The following ZNF518A variants were observed in gnomAD, a reference collection of about 807,000 sequenced individuals.
ZNF518A encodes the protein zinc finger protein 518.
ZNF518A carries 47 observed loss-of-function variants against 102.7 expected under a neutral mutation model. The observed-to-expected ratio is 0.46, with a 90% CI of 0.36 to 0.58. ZNF518A has a LOEUF of 0.58. Ranked by LOEUF, ZNF518A falls within the 20% of genes least tolerant of loss-of-function variation. ZNF518A has a pLI of 0.00. For synonymous variants in ZNF518A, 652 were observed against 594.6 expected (o/e 1.10, Z -1.40); for missense variants, 1,793 against 1,699.8 (o/e 1.05, Z -0.96).
chr10:96,197,069 TA>T (rs1290549533), intron 1 of ZNF518A: 4 of 1,607,486 alleles, frequency 2.5e-6, no homozygotes, highest in Non-Finnish European at 2.5e-6. Context: ...CCATCCTGTT[TA>T]ATTTTTTTTA....
At chr10:96,189,024 T>C (rs2083290447) in intron 1 of ZNF518A, among the ~76,000 whole-genome samples, 1 of 152,218 alleles carries the variant, frequency 6.6e-6, no homozygotes, top group South Asian at 2.1e-4. Flanking sequence ...TAATCTTTTT[T>C]TTCAATAGAA....
chr10:96,151,358 G>A (rs2082442087), intron 3 of ZNF518A: 1 of 152,278 alleles, frequency 6.6e-6, no homozygotes, highest in Admixed American at 6.5e-5. Flanking sequence ...ATAGCCATGG[G>A]TGTAGGAAGA....
chr10:96,171,008 C>T (rs1487062458), intron 1 of ZNF518A, among the ~76,000 whole-genome samples: 1 of 151,580 alleles, frequency 6.6e-6, no homozygotes, highest in African/African-American at 2.4e-5. Context: ...AAACCAAAAC[C>T]ATGTGAGATA....
rs187826623 is a variant in ZNF518A, at chr10:96,147,194, A to G, written c.-301-8132A>G. On this transcript the variant is annotated intron_variant, in intron 3 of 5. Transcript: ENST00000316045. Reference sequence around the variant, plus strand: ...GAGTTTATGTCAATACAAGCCAAATACAGATGAGAATCTGGGCCAGGCTTA... The same window carrying G: ...GAGTTTATGTCAATACAAGCCAAATGCAGATGAGAATCTGGGCCAGGCTTA... Among the ~76,000 whole-genome samples the G allele has an allele frequency of 1.9e-3, 282 of 152,350 alleles. 1 individual carries two copies. Among genetic ancestry groups the G allele is most frequent in the Non-Finnish European group, 3.5e-3 (239 of 68,032 alleles).
rs782349549 is a variant in ZNF518A, at chr10:96,197,069, T to A, written n.36-6505T>A. On this transcript the variant is annotated intron_variant and non_coding_transcript_variant, in intron 1 of 2. Coordinates refer to the ZNF518A transcript ENST00000442635. ...CGAATAAGAAATGATCCATCCTGTT[T>A]AATTTTTTTTAAAAAACATAATTAT... 1.9e-6 allele frequency: 3 copies of A among 1,607,604 alleles called. No homozygotes were observed. The Admixed American group carries it at 5.0e-5, about 27-fold the overall frequency.
chr10:96,166,024 G>GT (rs2083137863), downstream of ZNF518A, among the ~76,000 whole-genome samples: 1 of 152,268 alleles, frequency 6.6e-6, no homozygotes, highest in South Asian at 2.1e-4. Flanking sequence ...GGCCACGGGT[G>GT]TAAGTCCTCG....
chr10:96,200,931 T>C lies in ZNF518A; in HGVS notation n.36-2643T>C, dbSNP rs2083615552. 1.3e-6 allele frequency: 2 copies of C among 1,504,712 alleles called. No homozygotes were observed. Among genetic ancestry groups the C allele is most frequent in the Middle Eastern group, 1.7e-4 (1 of 5,854 alleles). The allele number at this position is 1,504,712 out of a possible 1,614,324, so 93.2% of individuals were successfully genotyped here. A position where few individuals can be genotyped will look rare whatever the true frequency, so the allele number is the denominator to read the frequency against. On this transcript the variant is annotated intron_variant and non_coding_transcript_variant, in intron 1 of 2. Coordinates refer to the ZNF518A transcript ENST00000442635. The surrounding 1 kb of genome is among the most constrained non-coding windows in gnomAD (Gnocchi z 4.3). ...TCTTCTTCTCAGAAGACATGCTCTT[T>C]CCTGCAGTTTCCTGGTAACAATTTA...
chr10:96,145,799 A>C (rs2082145640), intron 3 of ZNF518A, among the ~76,000 whole-genome samples: 1 of 152,240 alleles, frequency 6.6e-6, no homozygotes, highest in African/African-American at 2.4e-5. Context: ...GAGAATTTGC[A>C]TCATGCCACT....
Position 96,157,378 on chromosome 10 carries a change from C to G in ZNF518A, c.1056C>G (p.Asn352Lys). 6.2e-7 allele frequency: 1 copy of G among 1,611,016 alleles called. No individual in the cohort carries two copies. The highest frequency in any genetic ancestry group is 8.5e-7 in the Non-Finnish European group (1 of 1,178,478). ...ACACTCAAGTGCTTAAGAAAATGAA[C>G]AAAACACAGACTAAATCTGAAGACC... ...EKNTQVLKKMNKTQTKSEDQS... is the reference protein window; with the variant it reads ...EKNTQVLKKMKKTQTKSEDQS... Residue 352 changes from asparagine (N) to lysine (K), a missense_variant, in exon 6 of 6, where the codon AAC becomes AAG. Asn to Lys is a moderately conservative substitution (Grantham distance 94). This residue lies in a region of ZNF518A where 1,741 missense variants were observed against 1,622.6 expected (regional missense o/e 1.07). Transcript: ENST00000316045.
At chr10:96,165,698 C>T (rs1012528441), downstream of ZNF518A, among the ~76,000 whole-genome samples, 1 of 152,090 alleles carries the variant, frequency 6.6e-6, no homozygotes, top group South Asian at 2.1e-4. Flanking sequence ...TTCTTTCTAT[C>T]CTCCAGCTGT....
In ZNF518A at chr10:96,159,832, A is replaced by G; in HGVS notation, c.3510A>G (p.Gln1170=). The change falls in exon 6 of 6, where the codon CAA becomes CAG. Residue 1170 remains glutamine, a synonymous_variant. Coordinates refer to ENST00000316045, the MANE Select transcript of ZNF518A (RefSeq NM_001330736.2). ...LSVSNSASSL[Q]KDNVPSNQII... ...TAAGCAACTCTGCATCCTCATTGCA[A>G]AAAGACAACGTACCATCTAATCAGA... The G allele has an allele frequency of 6.2e-7, 1 of 1,613,642 alleles. No individual in the cohort carries two copies. Among genetic ancestry groups the G allele is most frequent in the African/African-American group, 1.3e-5 (1 of 75,040 alleles).
intron 3 of ZNF518A, among the ~76,000 whole-genome samples, chr10:96,153,046 G>A (rs587618436): frequency 2.6e-5 from 4 of 152,276 alleles, no homozygotes; most frequent in South Asian, 4.1e-4. Context: ...AAGTCCAAAC[G>A]CCTCAGAACC....
In ZNF518A at chr10:96,130,306, C is replaced by T. The variant is rs1364543565; in HGVS notation, c.-899C>T. ...TTCAGCGCTTCCGCTTAACTTGCCG[C>T]AAAGTTTTTCTGGAGAAGTCGGGGT... is the stretch of plus-strand genomic sequence containing the variant. On this transcript the variant is annotated 5_prime_UTR_variant, in exon 1 of 6. Coordinates refer to ENST00000316045, the MANE Select transcript of ZNF518A (RefSeq NM_001330736.2). Among the ~76,000 whole-genome samples, 3 of 152,240 alleles carry T rather than the reference C, an allele frequency of 2.0e-5. No individual in the cohort carries two copies. The highest frequency in any genetic ancestry group is 6.5e-5 in the Admixed American group (1 of 15,294).
chr10:96,177,020 T>G (rs1554891552), intron 1 of ZNF518A, among the ~76,000 whole-genome samples: 1 of 148,696 alleles, frequency 6.7e-6, no homozygotes, highest in African/African-American at 2.5e-5. Context: ...GAGGCTGCAG[T>G]GAGCCATGAT....
chr10:96,173,391 C>T (rs2083184411), intron 1 of ZNF518A, among the ~76,000 whole-genome samples: 1 of 152,140 alleles, frequency 6.6e-6, no homozygotes, highest in Non-Finnish European at 1.5e-5. Flanking sequence ...ACACTTTAGA[C>T]TCAAAGATAT....
At position 96,162,537 on chromosome 10, in the gene ZNF518A, T is replaced by C. The variant is rs2133861957; in HGVS notation, c.*1763T>C. The C allele has an allele frequency of 6.0e-6, 1 of 167,072 alleles. No individual in the cohort carries two copies. The highest frequency in any genetic ancestry group is 2.1e-4 in the South Asian group (1 of 4,828). 10.3% of individuals were successfully genotyped at this position (167,072 alleles called of 1,614,324 possible). On this transcript the variant is annotated 3_prime_UTR_variant, in exon 6 of 6. Transcript: ENST00000316045. The stretch of plus-strand genomic sequence containing the variant: ...TATGCACATTATACTTGTACTGTTT[T>C]GTGCAGTTTGTCTACTTTCTTAGTG...
At chr10:96,131,867 T>C (rs1307324248) in intron 1 of ZNF518A, among the ~76,000 whole-genome samples, 6 of 152,142 alleles carry the variant, frequency 3.9e-5, no homozygotes, top group African/African-American at 1.4e-4. Flanking sequence ...GACTATACTT[T>C]AGCCTAGATC....
In ZNF518A at chr10:96,161,909, G is replaced by A. The variant is rs1289425951; in HGVS notation, c.*1135G>A. ...CCCAGAGGCAGTGCATAAAACCTTA[G>A]GATAGATTCCTAAGGGACATGCCCA... On this transcript the variant is annotated 3_prime_UTR_variant, in exon 6 of 6. Transcript: ENST00000316045. 3.0e-5 allele frequency: 5 copies of A among 166,868 alleles called. No individual in the cohort carries two copies. Among genetic ancestry groups the A allele is most frequent in the Non-Finnish European group, 7.4e-5 (5 of 67,990 alleles). 10.3% of individuals were successfully genotyped at this position (166,868 alleles called of 1,614,324 possible).
chr10:96,197,116 T>C, intron 1 of ZNF518A: 1 of 1,450,284 alleles, frequency 6.9e-7, no homozygotes, highest in Non-Finnish European at 9.4e-7. Flanking sequence ...CTTATATTTC[T>C]ACAGGTTCAA....
Sources: allele counts gnomAD v4.1 joint callset (sites outside exome capture counted in the v4.1 genomes callset), GRCh38; gene constraint gnomAD v4.1.1; regional missense constraint gnomAD v4.1.1; non-coding constraint Gnocchi (gnomAD v3.1); transcripts MANE v1.5; gene names NCBI Gene and HGNC (gene_info 2026-07-23, HGNC 2026-07-21).